GOLGA8B: variants seen among roughly 807,000 people sequenced by gnomAD.
GOLGA8B encodes the protein golgin A8 family member B.
A neutral mutation model predicts 15.6 loss-of-function variants in GOLGA8B; 1 was observed. The ratio of observed to expected loss-of-function variants is 0.06; its 90% CI spans 0.02 to 0.30. GOLGA8B has a LOEUF of 0.30. Among genes scored for constraint, GOLGA8B ranks in the 10% least tolerant of loss-of-function variants. GOLGA8B has a pLI of 1.00. For synonymous variants in GOLGA8B, 9 were observed against 80.3 expected (o/e 0.11, Z 4.75); for missense variants, 17 against 201.3 (o/e 0.08, Z 5.54).
chr15:34,567,912 T>A (rs1211470252), intron 1 of GOLGA8B, among the ~76,000 whole-genome samples: 2 of 151,760 alleles, frequency 1.3e-5, no homozygotes, highest in African/African-American at 4.9e-5. Context: ...CACTTACCCC[T>A]TTTTCATCAC....
At chr15:34,560,944 T>C (rs372100693) in intron 1 of GOLGA8B, among the ~76,000 whole-genome samples, 13 of 135,500 alleles carry the variant, frequency 9.6e-5, no homozygotes, top group Non-Finnish European at 1.4e-4. Context: ...TTTTCTCATT[T>C]GAGAACTGAA....
rs1423621534 is a variant in GOLGA8B at position 34,526,341 on chromosome 15, C to A, written c.*1291G>T. On this transcript the variant is annotated 3_prime_UTR_variant, in exon 24 of 24. Coordinates refer to ENST00000683415, the MANE Select transcript of GOLGA8B (RefSeq NM_001023567.5). ...CCTTTTTGTTTCAACTAAGTACTCT[C>A]ACATATATTAGTTTATAATAATGTT... 2.0e-5 allele frequency: 3 copies of A among 149,496 alleles called. No individual in the cohort carries two copies. Among genetic ancestry groups the A allele is most frequent in the Non-Finnish European group, 4.5e-5 (3 of 67,270 alleles). 9.3% of individuals were successfully genotyped at this position (149,496 alleles called of 1,614,324 possible).
intron 1 of GOLGA8B, among the ~76,000 whole-genome samples, chr15:34,564,153 T>C (rs1440657544): frequency 6.9e-6 from 1 of 144,414 alleles, no homozygotes; most frequent in East Asian, 2.0e-4. Context: ...GTAGAGGGGG[T>C]GTTACTAAAC....
chr15:34,581,713 C>T (rs928587280), intron 1 of GOLGA8B, among the ~76,000 whole-genome samples: 32 of 152,148 alleles, frequency 2.1e-4, no homozygotes, highest in African/African-American at 7.5e-4. Flanking sequence ...ACCAGCTTTA[C>T]CTCCTTCCAG....
At chr15:34,582,860 T>G (rs1211890456) in intron 1 of GOLGA8B, 1 of 152,116 alleles carries the variant, frequency 6.6e-6, no homozygotes, top group African/African-American at 2.4e-5. Flanking sequence ...AGGCAGTGCC[T>G]GGCCTGGAGA....
chr15:34,583,493 G>T (rs1442304652), intron 1 of GOLGA8B, 23 bp downstream of exon 1: 1 of 151,830 alleles, frequency 6.6e-6, no homozygotes, highest in South Asian at 2.1e-4. Context: ...AGGGAGTCAG[G>T]CAGCCAAGGT....
At chr15:34,569,892 T>C (rs2433259) in intron 1 of GOLGA8B, among the ~76,000 whole-genome samples, 7 of 151,984 alleles carry the variant, frequency 4.6e-5, no homozygotes, top group East Asian at 1.9e-4. Flanking sequence ...GCTTCACAGA[T>C]TCCAGGGCCT....
At chr15:34,568,961 G>A (rs1397699013) in intron 1 of GOLGA8B, among the ~76,000 whole-genome samples, 2 of 143,816 alleles carry the variant, frequency 1.4e-5, no homozygotes, top group East Asian at 2.0e-4. Flanking sequence ...TCTCGCTCTC[G>A]CTCTCTCTCT....
chr15:34,573,148 G>A (rs2257683), intron 1 of GOLGA8B, among the ~76,000 whole-genome samples: 22 of 152,188 alleles, frequency 1.4e-4, no homozygotes, highest in Non-Finnish European at 2.6e-4. Context: ...GGTGGGGAGC[G>A]CTGCCCCTCA....
intron 1 of GOLGA8B, 89 bp downstream of exon 1, chr15:34,583,427 C>G (rs1324563105): frequency 6.6e-6 from 1 of 151,666 alleles, no homozygotes; most frequent in Non-Finnish European, 1.5e-5. Flanking sequence ...TTCCGCGCCG[C>G]CCCCCACGCG....
intron 1 of GOLGA8B, among the ~76,000 whole-genome samples, chr15:34,577,033 T>C (rs1175570234): frequency 6.7e-6 from 1 of 149,572 alleles, no homozygotes; most frequent in Non-Finnish European, 1.5e-5. Context: ...AGACAAACTC[T>C]GAGCAGTGAC....
intron 1 of GOLGA8B, among the ~76,000 whole-genome samples, chr15:34,569,425 C>G (rs1888845892): frequency 6.6e-6 from 1 of 152,000 alleles, no homozygotes; most frequent in African/African-American, 2.4e-5. Flanking sequence ...CTGACCACCC[C>G]CATGCCTCTG....
intron 11 of GOLGA8B, among the ~76,000 whole-genome samples, chr15:34,532,554 C>T (rs1242054073): frequency 3.6e-5 from 4 of 110,648 alleles, no homozygotes; most frequent in East Asian, 3.4e-4. Flanking sequence ...GGCAGAAATA[C>T]GGGGCCCCTG....
intron 1 of GOLGA8B, among the ~76,000 whole-genome samples, chr15:34,575,156 G>C (rs1443894275): frequency 6.6e-6 from 1 of 151,110 alleles, no homozygotes; most frequent in Non-Finnish European, 1.5e-5. Context: ...TAGCAAGGCT[G>C]GGACTTGGCA....
intron 1 of GOLGA8B, among the ~76,000 whole-genome samples, chr15:34,580,604 C>T (rs1469840579): frequency 3.9e-4 from 59 of 151,900 alleles, no homozygotes; most frequent in African/African-American, 9.9e-4. Context: ...AGCGACAGTG[C>T]CCATGACAGC....
chr15:34,565,736 G>GC (rs201548609), intron 1 of GOLGA8B, among the ~76,000 whole-genome samples: 71 of 1,308 alleles, frequency 0.054, no homozygotes, highest in South Asian at 0.15. Context: ...GCATGTTGCT[G>GC]TGCACTTTGA....
intron 1 of GOLGA8B, among the ~76,000 whole-genome samples, chr15:34,579,146 C>G (rs1412276078): frequency 6.6e-6 from 1 of 152,008 alleles, no homozygotes; most frequent in African/African-American, 2.4e-5. Flanking sequence ...GCCCTGGACC[C>G]CAGGGTTTAG....
intron 1 of GOLGA8B, among the ~76,000 whole-genome samples, chr15:34,573,634 G>T (rs934259163): frequency 3.3e-5 from 5 of 151,420 alleles, no homozygotes; most frequent in Non-Finnish European, 5.9e-5. Context: ...CTGAAAACAT[G>T]CTTTAAAGTC....
chr15:34,554,395 A>G (rs1888435618), intron 1 of GOLGA8B, among the ~76,000 whole-genome samples: 1 of 148,856 alleles, frequency 6.7e-6, no homozygotes. Context: ...CCCACCTCAT[A>G]CACACCACAC....
Sources: gnomAD v4.1 joint callset for allele counts (sites outside exome capture counted in the v4.1 genomes callset) on GRCh38, gnomAD v4.1.1 for gene constraint, MANE v1.5 for transcripts, NCBI Gene and HGNC (gene_info 2026-07-23, HGNC 2026-07-21) for gene names.